The following SNRNP25 variants were observed in gnomAD, a reference collection of about 807,000 sequenced individuals.
The protein encoded by SNRNP25 is U11/U12 small nuclear ribonucleoprotein 25 kDa protein.
Under a neutral mutation model 23.9 loss-of-function variants are expected in SNRNP25, and 21 were observed. That is an observed-to-expected ratio of 0.88 (90% confidence interval 0.62 to 1.27). The LOEUF is 1.27. Ranked by LOEUF, SNRNP25 falls within the 50% of genes most tolerant of loss-of-function variation. The probability of loss-of-function intolerance (pLI) is 0.00; values close to 1 mark genes in which losing one functional copy is unlikely to be tolerated. For missense variants in SNRNP25, 160 were observed against 156.9 expected, an observed-to-expected ratio of 1.02 and a Z score of -0.11; for synonymous variants, 63 against 60.4, an observed-to-expected ratio of 1.04 and a Z score of -0.20.
chr16:56,635 A>G, intron 4 of SNRNP25, 22 bp downstream of exon 4: 2 of 1,613,158 alleles, frequency 1.2e-6, no homozygotes, highest in South Asian at 2.2e-5. Context: ...CCACGTCCTG[A>G]GCCGTAGGGC....
At position 57,421 on chromosome 16, in the gene SNRNP25, T is replaced by C. The variant is rs1464669825; in HGVS notation, c.*278T>C. ...CAGACCCACGGCCTGGCCCACTGTA[T>C]AAAATAAACCTGTTTGCTTCTTAGT... On this transcript the variant is annotated 3_prime_UTR_variant, in exon 5 of 5. Coordinates refer to ENST00000293861, the MANE Select transcript of SNRNP25 (RefSeq NM_024571.4). 5.8e-6 allele frequency: 3 copies of C among 516,754 alleles called. No homozygotes were observed. The highest frequency in any genetic ancestry group is 1.0e-5 in the Non-Finnish European group (3 of 287,160). 32.0% of individuals were successfully genotyped at this position (516,754 alleles called of 1,614,324 possible).
At chr16:55,754 C>T (rs1256226922) in intron 2 of SNRNP25, 23 bp from the exon 3 acceptor site, 3 of 1,612,450 alleles carry the variant, frequency 1.9e-6, no homozygotes, top group Non-Finnish European at 2.5e-6. Flanking sequence ...TGGATCTTCT[C>T]CCATCTGTGT....
intron 1 of SNRNP25, 117 bp from the exon 2 acceptor site, chr16:55,342 T>A: frequency 1.2e-6 from 1 of 840,482 alleles, no homozygotes; most frequent in South Asian, 1.5e-5. Context: ...CAACCACCCT[T>A]CCTTGCCCTT....
chr16:56,415 G>A, intron 3 of SNRNP25, 124 bp from the exon 4 acceptor site: 1 of 873,862 alleles, frequency 1.1e-6, no homozygotes, highest in Non-Finnish European at 1.9e-6. Flanking sequence ...GTACAGAACA[G>A]CCCAGGTAGG....
chr16:56,694 C>A, intron 4 of SNRNP25, 81 bp downstream of exon 4: 2 of 1,460,738 alleles, frequency 1.4e-6, no homozygotes, highest in South Asian at 2.3e-5. Context: ...CAGAGGGCTG[C>A]GGCTCCCTCT....
At chr16:54,080 G>C in intron 1 of SNRNP25, 22 bp downstream of exon 1, 3 of 1,589,998 alleles carry the variant, frequency 1.9e-6, no homozygotes, top group Non-Finnish European at 2.6e-6. Context: ...CGGGGGCTGG[G>C]GGCGCGGGAG....
intron 1 of SNRNP25, chr16:54,911 A>C (rs1399232758): frequency 1.3e-5 from 2 of 154,022 alleles, no homozygotes; most frequent in Non-Finnish European, 2.9e-5. Context: ...TGATCTCCTG[A>C]CCTCATGATC....
intron 3 of SNRNP25, chr16:56,166 A>C: frequency 1.6e-6 from 1 of 624,418 alleles, no homozygotes. Flanking sequence ...ACTGTCGGGA[A>C]TTTCCAGTGT....
chr16:56,663 C>A, intron 4 of SNRNP25, 50 bp downstream of exon 4: 1 of 1,587,268 alleles, frequency 6.3e-7, no homozygotes, highest in South Asian at 1.1e-5. Flanking sequence ...TTCTGTTGCC[C>A]CTTAGTCCCC....
At chr16:54,122 G>T in intron 1 of SNRNP25, 64 bp downstream of exon 1, 1 of 1,531,572 alleles carries the variant, frequency 6.5e-7, no homozygotes. Context: ...TCCGGGCGCC[G>T]GCAGCCTCCG....
chr16:56,366 G>C (rs1897407801), intron 3 of SNRNP25, 173 bp from the exon 4 acceptor site: 2 of 735,976 alleles, frequency 2.7e-6, no homozygotes, highest in South Asian at 1.5e-5. Context: ...TCTGAGAACA[G>C]AGCCTCCTTG....
intron 3 of SNRNP25, 25 bp from the exon 4 acceptor site, chr16:56,514 G>T (rs1394357640): frequency 1.2e-6 from 2 of 1,612,742 alleles, no homozygotes; most frequent in Admixed American, 1.7e-5. Flanking sequence ...AGGGCACGTG[G>T]TTTACCTGCA....
intron 1 of SNRNP25, among the ~76,000 whole-genome samples, chr16:54,307 TC>T (rs1394737618): frequency 6.6e-6 from 1 of 152,210 alleles, no homozygotes; most frequent in African/African-American, 2.4e-5. Context: ...TTTAGGGGGC[TC>T]GGGGGACAGG....
chr16:56,384 C>T lies in SNRNP25; in HGVS notation c.240-155C>T, dbSNP rs1016713179. On this transcript the variant is annotated intron_variant, in intron 3 of 4. Coordinates refer to ENST00000293861, the MANE Select transcript of SNRNP25 (RefSeq NM_024571.4). ...GAGAACAGAGCCTCCTTGTAGCTGC[C>T]TCAGACCCAATCTGCACATTGTACA... is the stretch of plus-strand genomic sequence containing the variant. 1.0e-5 allele frequency: 8 copies of T among 774,808 alleles called. No individual in the cohort carries two copies. In the African/African-American group the frequency reaches 1.4e-4, roughly 13 times the overall value. The allele number at this position is 774,808 out of a possible 1,614,324, so 48.0% of individuals were successfully genotyped here. A position where few individuals can be genotyped will look rare whatever the true frequency, so the allele number is the denominator to read the frequency against.
rs1012044026 is a variant in SNRNP25 at position 56,449 on chromosome 16, T to C, written c.240-90T>C. ...GGGAGGACAGCTGCCCCAGGTCCCATAGGACTGCATGCCTCAAGCCCACGT... is the reference window on the plus strand; with the variant it reads ...GGGAGGACAGCTGCCCCAGGTCCCACAGGACTGCATGCCTCAAGCCCACGT... On this transcript the variant is annotated intron_variant, in intron 3 of 4. Coordinates refer to ENST00000293861, the MANE Select transcript of SNRNP25 (RefSeq NM_024571.4). 6 of 1,226,096 alleles carry C rather than the reference T, an allele frequency of 4.9e-6. No individual in the cohort carries two copies. The African/African-American group carries it at 8.9e-5, about 18-fold the overall frequency. The allele number at this position is 1,226,096 out of a possible 1,614,324, so 76.0% of individuals were successfully genotyped here.
rs74493241 is a variant in SNRNP25 at position 57,211 on chromosome 16, G to A, written c.*68G>A. ...TTTTTCCCAGCAGGAATGGGTCCTC[G>A]AATCATCGTGCCTCTTTCACAGAAA... On this transcript the variant is annotated 3_prime_UTR_variant, in exon 5 of 5. Transcript: ENST00000293861. 0.01 allele frequency: 15,166 copies of A among 1,502,628 alleles called. 94 individuals carry two copies. The highest frequency in any genetic ancestry group is 0.013 in the Non-Finnish European group (13,683 of 1,079,804). The allele number at this position is 1,502,628 out of a possible 1,614,324, so 93.1% of individuals were successfully genotyped here. A position where few individuals can be genotyped will look rare whatever the true frequency, so the allele number is the denominator to read the frequency against.
intron 1 of SNRNP25, chr16:55,185 C>A (rs763736275): frequency 1.7e-5 from 7 of 410,666 alleles, no homozygotes. Context: ...TCTACCCACC[C>A]CTGGGGGCAG....
chr16:55,482 C>T lies in SNRNP25; in HGVS notation c.66C>T (p.Ser22=), dbSNP rs1013213396. 11 of 1,614,170 alleles carry T rather than the reference C, an allele frequency of 6.8e-6. No individual in the cohort carries two copies. The highest frequency in any genetic ancestry group is 4.5e-5 in the East Asian group (2 of 44,888). Residue 22 remains serine, a synonymous_variant, in exon 2 of 5, where the codon TCC becomes TCT. Transcript: ENST00000293861. ...AGGTTACTCTGGAAGAAGTCAACTC[C>T]CAAATAGCCCTAGAATACGGCCAGG... The part of the protein sequence containing the change: ...PIQVTLEEVN[S]QIALEYGQAM...
chr16:56,548 G>A lies in SNRNP25; in HGVS notation c.249G>A (p.Val83=), dbSNP rs372725134. 1.2e-6 allele frequency: 2 copies of A among 1,613,920 alleles called. No individual in the cohort carries two copies. Among genetic ancestry groups the A allele is most frequent in the African/African-American group, 2.7e-5 (2 of 74,944 alleles). Residue 83 remains valine, a synonymous_variant, in exon 4 of 5, where the codon GTG becomes GTA. Coordinates refer to ENST00000293861, the MANE Select transcript of SNRNP25 (RefSeq NM_024571.4). ...CATTCCCCTCTTGCAGGTCCTACGT[G>A]TGGAGGACGTACCATCTGACCTCTG... The part of the protein sequence containing the change: ...GGIQHISWSY[V]WRTYHLTSAG...
Sources: gnomAD v4.1 joint callset for allele counts (sites outside exome capture counted in the v4.1 genomes callset) on GRCh38, gnomAD v4.1.1 for gene constraint, MANE v1.5 for transcripts, NCBI Gene and HGNC (gene_info 2026-07-23, HGNC 2026-07-21) for gene names.